Variants in NCOA2 observed in about 807,000 individuals in gnomAD.
NCOA2 encodes the protein nuclear receptor coactivator 2.
In NCOA2, 21 loss-of-function variants were observed where a neutral mutation model predicts 145.1. The ratio of observed to expected loss-of-function variants is 0.14; its 90% confidence interval spans 0.10 to 0.21. The LOEUF (loss-of-function observed/expected upper bound fraction) is 0.21. Among genes scored for constraint, NCOA2 ranks in the 10% least tolerant of loss-of-function variants. The pLI is 1.00. For missense variants in NCOA2, 1,472 were observed against 1,837.6 expected, an observed-to-expected ratio of 0.80 and a Z score of 3.64; for synonymous variants, 619 against 637.5, an observed-to-expected ratio of 0.97 and a Z score of 0.44.
intron 1 of NCOA2, among the ~76,000 whole-genome samples, chr8:70,342,659 A>G (rs1808236065): frequency 1.3e-5 from 2 of 151,834 alleles, no homozygotes; most frequent in Non-Finnish European, 2.9e-5. Flanking sequence ...TCTAGAATGC[A>G]CTAGATATTG....
intron 1 of NCOA2, among the ~76,000 whole-genome samples, chr8:70,369,239 A>G (rs190096468): frequency 2.3e-4 from 35 of 152,370 alleles, no homozygotes; most frequent in African/African-American, 7.2e-4. Flanking sequence ...TGGTAACTCA[A>G]ATAGTTTAAA....
At chr8:70,394,793 A>G (rs1216139992) in intron 1 of NCOA2, among the ~76,000 whole-genome samples, 1 of 152,254 alleles carries the variant, frequency 6.6e-6, no homozygotes, top group Admixed American at 6.5e-5. Flanking sequence ...AAATACAGAT[A>G]TAAAAGCTAA....
At position 70,138,283 on chromosome 8, in the gene NCOA2, T is replaced by C. The variant is rs373097007; in HGVS notation, c.3078A>G (p.Gln1026=). The part of the protein sequence containing the change: ...MNMGGPQYSQ[Q]QAPPNQTAPW... ...GGGCAGTCTGATTTGGAGGAGCTTG[T>C]TGTTGGCTATACTGAGGTCCCCCCA... Residue 1026 remains glutamine (Q), a synonymous_variant, in exon 15 of 23, where the codon CAA becomes CAG. Coordinates refer to ENST00000452400, the MANE Select transcript of NCOA2 (RefSeq NM_006540.4). 142 of 1,613,494 alleles carry C rather than the reference T, an allele frequency of 8.8e-5. No homozygotes were observed. The highest frequency in any genetic ancestry group is 1.0e-4 in the Non-Finnish European group (120 of 1,179,718).
chr8:70,170,514 C>G, intron 5 of NCOA2, 135 bp from the exon 6 acceptor site: 2 of 735,618 alleles, frequency 2.7e-6, no homozygotes, highest in Non-Finnish European at 4.1e-6. Context: ...CAGCCCTCTC[C>G]CAGTTTTCAG....
chr8:70,280,940 C>G (rs4738085), intron 2 of NCOA2, among the ~76,000 whole-genome samples: 8,342 of 151,602 alleles, frequency 0.055, 305 homozygotes, highest in East Asian at 0.16. Flanking sequence ...GCATGTCACA[C>G]GAGATAATGG....
the NCOA2 span, among the ~76,000 whole-genome samples, chr8:70,416,193 TTG>T: frequency 6.6e-3 from 924 of 139,872 alleles, 17 homozygotes; most frequent in African/African-American, 0.026. Flanking sequence ...CTCAGTTTTT[TTG>T]TTTTTTTTTT....
intron 1 of NCOA2, among the ~76,000 whole-genome samples, chr8:70,297,351 A>G (rs1827168826): frequency 6.6e-6 from 1 of 152,170 alleles, no homozygotes; most frequent in African/African-American, 2.4e-5. Context: ...TCCCCCCTTC[A>G]GAGACAAAAT....
At chr8:70,380,738 T>C (rs953869464) in intron 1 of NCOA2, among the ~76,000 whole-genome samples, 26 of 152,060 alleles carry the variant, frequency 1.7e-4, no homozygotes, top group African/African-American at 5.3e-4. Context: ...CGAGTGAGCA[T>C]TTGTTAATTC....
intron 4 of NCOA2, among the ~76,000 whole-genome samples, chr8:70,208,009 T>C (rs1818641139): frequency 6.6e-6 from 1 of 151,972 alleles, no homozygotes; most frequent in Non-Finnish European, 1.5e-5. Context: ...CACAGCACTT[T>C]GGGAGGCCAA....
intron 1 of NCOA2, among the ~76,000 whole-genome samples, chr8:70,306,853 T>C (rs185958023): frequency 2.1e-4 from 32 of 152,324 alleles, no homozygotes; most frequent in Non-Finnish European, 4.1e-4. Context: ...CACTCCAGCC[T>C]GGGTGACAGA....
intron 1 of NCOA2, among the ~76,000 whole-genome samples, chr8:70,320,219 T>C (rs544732798): frequency 6.6e-6 from 1 of 152,252 alleles, no homozygotes; most frequent in South Asian, 2.1e-4. Flanking sequence ...CTTGTTTTTA[T>C]ATGGAAGCTA....
At chr8:70,435,277 T>A in the NCOA2 span, among the ~76,000 whole-genome samples, 1 of 148,482 alleles carries the variant, frequency 6.7e-6, no homozygotes, top group East Asian at 2.0e-4. Context: ...TACAAAAAAT[T>A]AGCCGGGCGT....
intron 1 of NCOA2, among the ~76,000 whole-genome samples, chr8:70,399,632 T>A (rs1409318537): frequency 6.6e-6 from 1 of 152,264 alleles, no homozygotes; most frequent in Non-Finnish European, 1.5e-5. Flanking sequence ...AGTTAGTAAT[T>A]TCTTAAATAG....
chr8:70,128,944 C>T lies in NCOA2; in HGVS notation c.3361G>A (p.Asp1121Asn), dbSNP rs1808763824. The change falls in exon 17 of 23, where the codon GAT (aspartate) becomes AAT (asparagine). Residue 1121 changes from aspartate to asparagine, a missense_variant. By Grantham distance (23) the Asp-to-Asn change is conservative. Coordinates refer to ENST00000452400, the MANE Select transcript of NCOA2 (RefSeq NM_006540.4). ...AVDPEQFSSQ[D>N]SNIMLEQKAP... ...TTCTGCTCCAGCATGATGTTGGAAT[C>T]CTGACTTGAGAACTGTTCTGGATCT... 1 of 1,608,956 alleles carries T rather than the reference C, an allele frequency of 6.2e-7. No individual in the cohort carries two copies. The highest frequency in any genetic ancestry group is 1.3e-5 in the African/African-American group (1 of 74,866).
intron 2 of NCOA2, among the ~76,000 whole-genome samples, chr8:70,240,062 G>A (rs1390686640): frequency 6.6e-6 from 1 of 152,114 alleles, no homozygotes; most frequent in Non-Finnish European, 1.5e-5. Context: ...TTGGGGAAAT[G>A]TGGCCCTCTA....
intron 2 of NCOA2, among the ~76,000 whole-genome samples, chr8:70,225,794 A>G (rs1820580193): frequency 6.6e-6 from 1 of 152,212 alleles, no homozygotes; most frequent in South Asian, 2.1e-4. Flanking sequence ...GTTGTGGCCT[A>G]GATCACATTC....
Position 70,163,524 on chromosome 8 carries a change from A to G in NCOA2, c.773T>C (p.Met258Thr), listed in dbSNP as rs1437088085. Residue 258 changes from methionine (M) to threonine (T), a missense_variant, in exon 8 of 23, where the codon ATG (methionine) becomes ACG (threonine). Met to Thr is a moderately conservative substitution (Grantham distance 81). Coordinates refer to ENST00000452400, the MANE Select transcript of NCOA2 (RefSeq NM_006540.4). ...TGAGGGAAGAACTGGTCTTTCCTTC[A>G]TGGGAACTCTTCTTGCCACGCAAAT... ...CLICVARRVP[M>T]KERPVLPSSE... 6.2e-7 allele frequency: 1 copy of G among 1,613,956 alleles called. No individual in the cohort carries two copies. Among genetic ancestry groups the G allele is most frequent in the East Asian group, 2.2e-5 (1 of 44,872 alleles).
intron 1 of NCOA2, among the ~76,000 whole-genome samples, chr8:70,329,827 T>A (rs1806924389): frequency 6.6e-6 from 1 of 152,140 alleles, no homozygotes; most frequent in Admixed American, 6.5e-5. Context: ...AAAAAGTACG[T>A]CTTATATGAT....
At chr8:70,127,268 C>T (rs1489701903) in intron 18 of NCOA2, among the ~76,000 whole-genome samples, 1 of 152,120 alleles carries the variant, frequency 6.6e-6, no homozygotes, top group African/African-American at 2.4e-5. Flanking sequence ...TGCTATGACT[C>T]AGCAGAGTTA....
Sources: gnomAD v4.1 joint callset for allele counts (sites outside exome capture counted in the v4.1 genomes callset) on GRCh38, gnomAD v4.1.1 for gene constraint, MANE v1.5 for transcripts, NCBI Gene and HGNC (gene_info 2026-07-23, HGNC 2026-07-21) for gene names.